The following VWC2L variants were observed in gnomAD, a reference collection of about 807,000 sequenced individuals.
VWC2L encodes von Willebrand factor C domain containing 2 like.
VWC2L carries 10 observed loss-of-function variants against 21.6 expected under a neutral mutation model. The observed-to-expected ratio is 0.46, with a 90% CI of 0.29 to 0.78. The LOEUF (loss-of-function observed/expected upper bound fraction) is 0.78, where lower values mean the gene tolerates loss of function less well. Among genes scored for constraint, VWC2L ranks in the 30% least tolerant of loss-of-function variants. The pLI is 0.10. For missense variants in VWC2L, 209 were observed against 277.1 expected, an observed-to-expected ratio of 0.75 and a Z score of 1.74; for synonymous variants, 96 against 94.3, an observed-to-expected ratio of 1.02 and a Z score of -0.10.
intron 3 of VWC2L, among the ~76,000 whole-genome samples, chr2:214,496,743 G>C (rs547065392): frequency 6.6e-6 from 1 of 152,278 alleles, no homozygotes; most frequent in East Asian, 1.9e-4. Context: ...TAAACAAAAA[G>C]TTATAATCTT....
At chr2:214,427,008 A>C (rs1036664428) in intron 2 of VWC2L, among the ~76,000 whole-genome samples, 9 of 152,226 alleles carry the variant, frequency 5.9e-5, no homozygotes, top group Admixed American at 4.6e-4. Flanking sequence ...AACAAACTGC[A>C]TTCTGAATGC....
chr2:214,465,118 TG>T (rs1703197465), intron 3 of VWC2L, among the ~76,000 whole-genome samples: 1 of 152,108 alleles, frequency 6.6e-6, no homozygotes, highest in South Asian at 2.1e-4. Flanking sequence ...GGAACTTACC[TG>T]GGGTCCCACT....
chr2:214,568,504 A>G lies in VWC2L; in HGVS notation c.521-7168A>G, dbSNP rs547748177. Among the ~76,000 whole-genome samples, 11 of 152,354 alleles carry G rather than the reference A, an allele frequency of 7.2e-5. No individual in the cohort carries two copies. The South Asian group carries it at 2.3e-3, about 32-fold the overall frequency. On this transcript the variant is annotated intron_variant, in intron 3 of 3. Transcript: ENST00000312504. ...AGAGGTTTAATGGATTCACAGTTCC[A>G]CATGGCTGGGGAGGCCTCACAATCA...
At chr2:214,450,709 G>T (rs995386878) in intron 3 of VWC2L, among the ~76,000 whole-genome samples, 2 of 152,198 alleles carry the variant, frequency 1.3e-5, no homozygotes, top group East Asian at 3.9e-4. Context: ...GATGAGTCAG[G>T]GGGCAACAGG....
chr2:214,487,598 G>C (rs1349968664), intron 3 of VWC2L, among the ~76,000 whole-genome samples: 2 of 152,168 alleles, frequency 1.3e-5, no homozygotes, highest in Admixed American at 6.6e-5. Context: ...TTGCACCTGA[G>C]CTATGTTTTT....
chr2:214,469,560 ACTC>A (rs1703274046), intron 3 of VWC2L, among the ~76,000 whole-genome samples: 1 of 151,866 alleles, frequency 6.6e-6, no homozygotes, highest in Non-Finnish European at 1.5e-5. Context: ...GTGCCACTGC[ACTC>A]CAGCCTGGGC....
At chr2:214,517,882 T>C (rs1026221268) in intron 3 of VWC2L, among the ~76,000 whole-genome samples, 1 of 152,216 alleles carries the variant, frequency 6.6e-6, no homozygotes, top group African/African-American at 2.4e-5. Context: ...ATTAGTACTG[T>C]GTGGTCAGGC....
chr2:214,504,516 T>C (rs1042036443), intron 3 of VWC2L, among the ~76,000 whole-genome samples: 1 of 152,184 alleles, frequency 6.6e-6, no homozygotes, highest in Non-Finnish European at 1.5e-5. Flanking sequence ...GCGAAGCTGG[T>C]TACACACAGG....
intron 3 of VWC2L, among the ~76,000 whole-genome samples, chr2:214,570,425 G>A (rs955117854): frequency 1.3e-5 from 2 of 152,178 alleles, no homozygotes; most frequent in African/African-American, 2.4e-5. Flanking sequence ...ATGCCATGGC[G>A]TGATCTTAAT....
At chr2:214,528,692 G>A (rs1261927706) in intron 3 of VWC2L, among the ~76,000 whole-genome samples, 1 of 151,982 alleles carries the variant, frequency 6.6e-6, no homozygotes, top group African/African-American at 2.4e-5. Context: ...CAAAACCCAT[G>A]TTCGTGATGT....
chr2:214,418,585 G>A (rs1702389686), intron 2 of VWC2L, among the ~76,000 whole-genome samples: 1 of 152,148 alleles, frequency 6.6e-6, no homozygotes, highest in African/African-American at 2.4e-5. Flanking sequence ...TTCGAGGCTA[G>A]CGACACTGTT....
chr2:214,538,552 G>T (rs539582419), intron 3 of VWC2L, among the ~76,000 whole-genome samples: 3 of 151,602 alleles, frequency 2.0e-5, no homozygotes, highest in African/African-American at 7.3e-5. Context: ...CAACATAGAC[G>T]CAAATAAGAA....
chr2:214,446,013 C>A (rs1702832856), intron 3 of VWC2L, among the ~76,000 whole-genome samples: 1 of 152,176 alleles, frequency 6.6e-6, no homozygotes. Flanking sequence ...CTAAAATATT[C>A]ACTTAAGTAT....
chr2:214,528,488 T>C lies in VWC2L; in HGVS notation c.521-47184T>C, dbSNP rs533911366. On this transcript the variant is annotated intron_variant, in intron 3 of 3. Coordinates refer to ENST00000312504, the MANE Select transcript of VWC2L (RefSeq NM_001080500.4). ...TCTCAAGACAATTGTAATATCCTCT[T>C]AACTTTTCTTTTCTCTGAGATAAAA... Among the ~76,000 whole-genome samples, 78 of 152,352 alleles carry C rather than the reference T, an allele frequency of 5.1e-4. 2 individuals are homozygous for C. The South Asian group carries it at 0.015, about 29-fold the overall frequency.
At chr2:214,438,086 AAATTT>A (rs1702704177) in intron 3 of VWC2L, among the ~76,000 whole-genome samples, 4 of 152,212 alleles carry the variant, frequency 2.6e-5, no homozygotes, top group African/African-American at 7.2e-5. Context: ...CAAATATATT[AAATTT>A]AAGACTTTAA....
chr2:214,496,862 G>A (rs1405740092), intron 3 of VWC2L, among the ~76,000 whole-genome samples: 1 of 152,230 alleles, frequency 6.6e-6, no homozygotes, highest in East Asian at 1.9e-4. Context: ...TTCATGTTAT[G>A]GCTTCTAATT....
At chr2:214,565,385 C>T (rs1312190002) in intron 3 of VWC2L, among the ~76,000 whole-genome samples, 1 of 152,148 alleles carries the variant, frequency 6.6e-6, no homozygotes, top group African/African-American at 2.4e-5. Flanking sequence ...AAAGCACTTA[C>T]CATTAGCAAT....
chr2:214,446,869 A>T (rs1441423061), intron 3 of VWC2L, among the ~76,000 whole-genome samples: 2 of 152,144 alleles, frequency 1.3e-5, no homozygotes, highest in East Asian at 1.9e-4. Flanking sequence ...TACATATGGA[A>T]TTTTTTTTCA....
chr2:214,474,669 A>G (rs926064516), intron 3 of VWC2L, among the ~76,000 whole-genome samples: 1 of 152,088 alleles, frequency 6.6e-6, no homozygotes, highest in Non-Finnish European at 1.5e-5. Flanking sequence ...TAGCTCTCCA[A>G]TGCTACTTTT....
Sources: gnomAD v4.1 joint callset for allele counts (sites outside exome capture counted in the v4.1 genomes callset) on GRCh38, gnomAD v4.1.1 for gene constraint, MANE v1.5 for transcripts, NCBI Gene and HGNC (gene_info 2026-07-23, HGNC 2026-07-21) for gene names.